The following ZC2HC1B variants were observed in gnomAD, a reference collection of about 807,000 sequenced individuals.
The protein encoded by ZC2HC1B is zinc finger C2HC domain-containing protein 1B.
A neutral mutation model predicts 31.0 loss-of-function variants in ZC2HC1B; 36 were observed. The observed-to-expected ratio is 1.16, with a 90% CI of 0.89 to 1.54. The LOEUF is 1.54. Ranked by LOEUF, ZC2HC1B falls within the 40% of genes most tolerant of loss-of-function variation. ZC2HC1B has a pLI of 0.00. For synonymous variants in ZC2HC1B, 73 were observed against 88.0 expected (o/e 0.83, Z 0.95); for missense variants, 260 against 268.6 (o/e 0.97, Z 0.22).
chr6:143,897,462 C>T (rs896203783), intron 4 of ZC2HC1B, among the ~76,000 whole-genome samples: 1 of 151,240 alleles, frequency 6.6e-6, no homozygotes, highest in African/African-American at 2.4e-5. Context: ...CTCTCCGTAA[C>T]CAATTATGTC....
intron 1 of ZC2HC1B, among the ~76,000 whole-genome samples, chr6:143,874,617 A>C (rs1448984439): frequency 6.6e-6 from 1 of 152,198 alleles, no homozygotes; most frequent in Non-Finnish European, 1.5e-5. Context: ...AGAGAAAATG[A>C]GGAAGAAGCA....
In ZC2HC1B at chr6:143,922,199, A is replaced by G. The variant is rs149642644; in HGVS notation, c.599-15450A>G. Among the ~76,000 whole-genome samples, 39 of 152,312 alleles carry G rather than the reference A, an allele frequency of 2.6e-4. No individual in the cohort carries two copies. Among genetic ancestry groups the G allele is most frequent in the African/African-American group, 7.7e-4 (32 of 41,570 alleles). ...TAATATGTGGTCTTTTTGTTGATATATAATATTTGTACATGTTTATGGAAT... is the reference window on the plus strand; with the variant it reads ...TAATATGTGGTCTTTTTGTTGATATGTAATATTTGTACATGTTTATGGAAT... On this transcript the variant is annotated intron_variant, in intron 6 of 7. Transcript: ENST00000237275. This position sits in a 1 kb window ranked among gnomAD's most constrained non-coding sequence, Gnocchi z 5.0.
chr6:143,882,608 G>C (rs1777482771), intron 1 of ZC2HC1B, among the ~76,000 whole-genome samples: 1 of 151,426 alleles, frequency 6.6e-6, no homozygotes, highest in East Asian at 1.9e-4. Context: ...TTCTCCTCCT[G>C]GCTTATCATC....
intron 6 of ZC2HC1B, among the ~76,000 whole-genome samples, chr6:143,919,877 C>T (rs139671414): frequency 2.8e-4 from 43 of 152,242 alleles, no homozygotes; most frequent in African/African-American, 1.0e-3. Context: ...CAATTGTTAT[C>T]TAGGAGGGGA....
rs1777822128 is a variant in ZC2HC1B, at chr6:143,908,439, T to G, written c.598+5287T>G. ...TATATTTTTCCATTTGTTTGTGTCATCTCTGATTTCTTTGAGCAGTGGTTT... is the reference window on the plus strand; with the variant it reads ...TATATTTTTCCATTTGTTTGTGTCAGCTCTGATTTCTTTGAGCAGTGGTTT... On this transcript the variant is annotated intron_variant, in intron 6 of 7. Coordinates refer to ENST00000237275, the MANE Select transcript of ZC2HC1B (RefSeq NM_001013623.3). This position sits in a 1 kb window ranked among gnomAD's most constrained non-coding sequence, Gnocchi z 4.4. 6.6e-6 allele frequency among the ~76,000 whole-genome samples: 1 copy of G among 152,218 alleles called. No individual in the cohort carries two copies. Among genetic ancestry groups the G allele is most frequent in the African/African-American group, 2.4e-5 (1 of 41,458 alleles).
chr6:143,924,372 A>C lies in ZC2HC1B; in HGVS notation c.599-13277A>C, dbSNP rs1055636136. Among the ~76,000 whole-genome samples, 1 of 150,932 alleles carries C rather than the reference A, an allele frequency of 6.6e-6. No homozygotes were observed. The highest frequency in any genetic ancestry group is 2.4e-5 in the African/African-American group (1 of 41,000). On this transcript the variant is annotated intron_variant, in intron 6 of 7. Coordinates refer to ENST00000237275, the MANE Select transcript of ZC2HC1B (RefSeq NM_001013623.3). This position sits in a 1 kb window ranked among gnomAD's most constrained non-coding sequence, Gnocchi z 5.2. ...TTTTATATATATATATATGTATTAC[A>C]TATATATATCCATGTATATATAATA...
In ZC2HC1B at chr6:143,918,226, CTG is replaced by C; in HGVS notation, c.598+15075_598+15076del. Among the ~76,000 whole-genome samples, 1 of 152,268 alleles carries C rather than the reference CTG, an allele frequency of 6.6e-6. No homozygotes were observed. The highest frequency in any genetic ancestry group is 1.9e-4 in the East Asian group (1 of 5,180). On this transcript the variant is annotated intron_variant, in intron 6 of 7. Coordinates refer to ENST00000237275, the MANE Select transcript of ZC2HC1B (RefSeq NM_001013623.3). This position sits in a 1 kb window ranked among gnomAD's most constrained non-coding sequence, Gnocchi z 4.1. ...TGTTGCCCAGGCTGAACTCAAGCTC[CTG>C]GGCTCAAGCAATCCTCCTACCCCAG... is the stretch of plus-strand genomic sequence containing the variant.
In ZC2HC1B at chr6:143,885,572, T is replaced by C. The variant is rs1237470326; in HGVS notation, c.91-460T>C. ...TGTATTTTGTGGGGTCTGACAAAGC[T>C]ACTGTGTCAATGATGGTTATTATGT... On this transcript the variant is annotated intron_variant, in intron 2 of 7. Coordinates refer to ENST00000237275, the MANE Select transcript of ZC2HC1B (RefSeq NM_001013623.3). The surrounding 1 kb of genome is among the most constrained non-coding windows in gnomAD (Gnocchi z 4.2). 6.6e-6 allele frequency among the ~76,000 whole-genome samples: 1 copy of C among 152,208 alleles called. No individual in the cohort carries two copies. The highest frequency in any genetic ancestry group is 1.5e-5 in the Non-Finnish European group (1 of 68,030).
chr6:143,910,896 G>A (rs1777847923), intron 6 of ZC2HC1B, among the ~76,000 whole-genome samples: 1 of 152,142 alleles, frequency 6.6e-6, no homozygotes, highest in Non-Finnish European at 1.5e-5. Flanking sequence ...GAGATTACGG[G>A]CACCCACCAC....
chr6:143,878,391 T>G (rs1777432412), intron 1 of ZC2HC1B, among the ~76,000 whole-genome samples: 1 of 150,452 alleles, frequency 6.6e-6, no homozygotes, highest in East Asian at 1.9e-4. Flanking sequence ...GGTGGGAGGA[T>G]CGCTTGAATC....
chr6:143,870,184 CA>C lies in ZC2HC1B; in HGVS notation c.28+5620del, dbSNP rs958480083. Among the ~76,000 whole-genome samples, 3 of 152,196 alleles carry C rather than the reference CA, an allele frequency of 2.0e-5. No individual in the cohort carries two copies. The highest frequency in any genetic ancestry group is 7.2e-5 in the African/African-American group (3 of 41,454). On this transcript the variant is annotated intron_variant, in intron 1 of 7. Coordinates refer to ENST00000237275, the MANE Select transcript of ZC2HC1B (RefSeq NM_001013623.3). The surrounding 1 kb of genome is among the most constrained non-coding windows in gnomAD (Gnocchi z 4.7). ...ACATCTGACCATTTCTCCTTTCATG[CA>C]AAGTGCACAAGCAAGTGCACTGTTC...
rs1279692600 is a variant in ZC2HC1B at position 143,935,540 on chromosome 6, C to T, written c.599-2109C>T. On this transcript the variant is annotated intron_variant, in intron 6 of 7. Transcript: ENST00000237275. ...TTTTTTTTCTTTTCATTATACAATG[C>T]TATATAAAAATAAAGGTCTTTAAAA... Among the ~76,000 whole-genome samples the T allele has an allele frequency of 8.0e-5, 12 of 150,206 alleles. No individual in the cohort carries two copies. The Admixed American group carries it at 8.0e-4, about 10-fold the overall frequency.
rs1778146300 is a variant in ZC2HC1B at position 143,933,518 on chromosome 6, C to T, written c.599-4131C>T. 6.6e-6 allele frequency among the ~76,000 whole-genome samples: 1 copy of T among 151,988 alleles called. No homozygotes were observed. Among genetic ancestry groups the T allele is most frequent in the Non-Finnish European group, 1.5e-5 (1 of 68,000 alleles). On this transcript the variant is annotated intron_variant, in intron 6 of 7. Transcript: ENST00000237275. The surrounding 1 kb of genome is among the most constrained non-coding windows in gnomAD (Gnocchi z 6.4). ...CTCCTTGGGTGGGGGTTGCTGTGGC[C>T]ACTGTGGGGAGATCAGGGGATGGTT...
intron 1 of ZC2HC1B, among the ~76,000 whole-genome samples, chr6:143,877,484 T>G (rs1156957568): frequency 6.7e-5 from 10 of 149,594 alleles, no homozygotes; most frequent in Non-Finnish European, 3.0e-5. Context: ...GGTTTCTCCA[T>G]GTTGGTCAGG....
intron 6 of ZC2HC1B, among the ~76,000 whole-genome samples, chr6:143,919,001 T>C (rs769452937): frequency 6.6e-6 from 1 of 152,168 alleles, no homozygotes; most frequent in Non-Finnish European, 1.5e-5. Context: ...CATCTTCAGT[T>C]GTTTAAAAGT....
At chr6:143,900,123 C>A (rs1777718778) in intron 5 of ZC2HC1B, among the ~76,000 whole-genome samples, 1 of 152,096 alleles carries the variant, frequency 6.6e-6, no homozygotes, top group South Asian at 2.1e-4. Context: ...GGTGTGGTGG[C>A]TCACGCCTGT....
intron 6 of ZC2HC1B, among the ~76,000 whole-genome samples, chr6:143,916,933 G>A (rs1000019628): frequency 6.6e-6 from 1 of 152,170 alleles, no homozygotes; most frequent in African/African-American, 2.4e-5. Context: ...TTAAGACTTT[G>A]GGGGACTGTT....
rs1337017988 is a variant in ZC2HC1B, at chr6:143,923,333, T to C, written c.599-14316T>C. Among the ~76,000 whole-genome samples, 1 of 152,204 alleles carries C rather than the reference T, an allele frequency of 6.6e-6. No homozygotes were observed. Among genetic ancestry groups the C allele is most frequent in the Non-Finnish European group, 1.5e-5 (1 of 68,000 alleles). On this transcript the variant is annotated intron_variant, in intron 6 of 7. Coordinates refer to ENST00000237275, the MANE Select transcript of ZC2HC1B (RefSeq NM_001013623.3). The surrounding 1 kb of genome is among the most constrained non-coding windows in gnomAD (Gnocchi z 4.8). ...AAACACAAAAAGTTGTTTGAGTTCCTTGCTTATTCTGAATATTAGTTCCTT... is the reference window on the plus strand; with the variant it reads ...AAACACAAAAAGTTGTTTGAGTTCCCTGCTTATTCTGAATATTAGTTCCTT...
At chr6:143,897,191 G>A (rs1478192318) in intron 4 of ZC2HC1B, among the ~76,000 whole-genome samples, 2 of 151,794 alleles carry the variant, frequency 1.3e-5, no homozygotes, top group Non-Finnish European at 1.5e-5. Context: ...ACCCATCCAC[G>A]CATGTAGGAA....
Sources: gnomAD v4.1 joint callset for allele counts (sites outside exome capture counted in the v4.1 genomes callset) on GRCh38, gnomAD v4.1.1 for gene constraint, Gnocchi (gnomAD v3.1) non-coding constraint, MANE v1.5 for transcripts, NCBI Gene and HGNC (gene_info 2026-07-23, HGNC 2026-07-21) for gene names.